ELAVL1: variants seen among roughly 807,000 people sequenced by gnomAD.
ELAVL1 encodes ELAV-like protein 1.
A neutral mutation model predicts 28.4 loss-of-function variants in ELAVL1; 1 was observed. The observed-to-expected ratio is 0.04, with a 90% CI of 0.01 to 0.17. The LOEUF is 0.17. Among genes scored for constraint, ELAVL1 ranks in the 10% least tolerant of loss-of-function variants. ELAVL1 has a pLI of 1.00. For synonymous variants in ELAVL1, 174 were observed against 183.5 expected (o/e 0.95, Z 0.42); for missense variants, 157 against 447.2 (o/e 0.35, Z 5.85).
chr19:7,965,997 C>T (rs1174972702), intron 5 of ELAVL1, among the ~76,000 whole-genome samples: 1 of 152,154 alleles, frequency 6.6e-6, no homozygotes, highest in East Asian at 1.9e-4. Context: ...TAACACCTCT[C>T]ACAGCAGCAT....
intron 1 of ELAVL1, among the ~76,000 whole-genome samples, chr19:7,999,390 G>T (rs570846024): frequency 6.6e-6 from 1 of 152,148 alleles, no homozygotes; most frequent in East Asian, 1.9e-4. Context: ...AAAAATAAAA[G>T]GCCACCTTCC....
In ELAVL1 at chr19:7,973,810, C is replaced by G; in HGVS notation, c.345G>C (p.Arg115=). ...CTTCTACGTCCTTCTGGGTCATGGT[C>G]CGCGGGAGCCCGCTGATGTACAAGT... The part of the protein sequence containing the change: ...DANLYISGLP[R]TMTQKDVEDM... The change falls in exon 4 of 6, where the codon CGG becomes CGC. Residue 115 remains arginine, a synonymous_variant. Coordinates refer to ENST00000407627, the MANE Select transcript of ELAVL1 (RefSeq NM_001419.3). 1.2e-6 allele frequency: 2 copies of G among 1,614,104 alleles called. No individual in the cohort carries two copies. The highest frequency in any genetic ancestry group is 1.7e-6 in the Non-Finnish European group (2 of 1,180,016).
intron 1 of ELAVL1, 97 bp from the exon 2 acceptor site, chr19:7,991,928 CTTTCTTTTTTT>C: frequency 1.3e-6 from 1 of 751,486 alleles, no homozygotes; most frequent in Non-Finnish European, 1.9e-6. Flanking sequence ...GATTTTCTTT[CTTTCTTTTTTT>C]TTTTTTTTGT....
intron 3 of ELAVL1, among the ~76,000 whole-genome samples, chr19:7,976,419 T>G (rs985276230): frequency 5.3e-5 from 8 of 152,026 alleles, no homozygotes; most frequent in Non-Finnish European, 8.8e-5. Flanking sequence ...AAAAAAGTAT[T>G]TTTTTTGAAA....
chr19:8,003,381 GA>G (rs71165249), intron 1 of ELAVL1, among the ~76,000 whole-genome samples: 16,254 of 88,660 alleles, frequency 0.18, 1,408 homozygotes, highest in Non-Finnish European at 0.26. Flanking sequence ...AAAAGAAAAA[GA>G]AAAAAAAAAA....
intron 1 of ELAVL1, among the ~76,000 whole-genome samples, chr19:7,993,301 C>T (rs550084540): frequency 1.6e-4 from 25 of 152,256 alleles, no homozygotes; most frequent in Non-Finnish European, 1.3e-4. Context: ...CGAGAGAATT[C>T]CAGATTTCCG....
At position 7,983,931 on chromosome 19, in the gene ELAVL1, C is replaced by A. The variant is rs561593113; in HGVS notation, c.173-2745G>T. ...CAGGGTAGGGCCTACCCTCTTGGGA[C>A]ACCCCTCCTCCAGGATGTGGAAACC... On this transcript the variant is annotated intron_variant, in intron 2 of 5. Coordinates refer to ENST00000407627, the MANE Select transcript of ELAVL1 (RefSeq NM_001419.3). Among the ~76,000 whole-genome samples, 6 of 152,178 alleles carry A rather than the reference C, an allele frequency of 3.9e-5. No homozygotes were observed. In the South Asian group the frequency reaches 1.2e-3, roughly 32 times the overall value.
chr19:8,002,198 G>C (rs776759807), intron 1 of ELAVL1: 19 of 1,174,186 alleles, frequency 1.6e-5, no homozygotes, highest in Non-Finnish European at 2.0e-5. Context: ...TCCCACCTCC[G>C]GGCTTGGCTG....
chr19:7,975,550 T>C (rs1985257934), intron 3 of ELAVL1, among the ~76,000 whole-genome samples: 2 of 152,216 alleles, frequency 1.3e-5, no homozygotes, highest in Admixed American at 1.3e-4. Flanking sequence ...CAGAACCCTC[T>C]TTCCTAAGCT....
chr19:7,967,370 C>G (rs1482091422), intron 5 of ELAVL1, among the ~76,000 whole-genome samples, 195 bp downstream of exon 5: 2 of 152,180 alleles, frequency 1.3e-5, no homozygotes, highest in African/African-American at 4.8e-5. Context: ...AAAGACAACG[C>G]CCAATCGGAA....
At chr19:7,971,190 C>T (rs1442993786) in intron 4 of ELAVL1, among the ~76,000 whole-genome samples, 1 of 152,238 alleles carries the variant, frequency 6.6e-6, no homozygotes, top group Non-Finnish European at 1.5e-5. Context: ...AGCAATGCCC[C>T]CAGCAGCTGT....
intron 1 of ELAVL1, among the ~76,000 whole-genome samples, chr19:7,993,093 T>C (rs370814356): frequency 1.4e-4 from 22 of 152,342 alleles, no homozygotes; most frequent in African/African-American, 5.1e-4. Context: ...AAAAATTTTA[T>C]TCAGTCAATA....
At chr19:7,970,489 C>T (rs888506965) in intron 4 of ELAVL1, among the ~76,000 whole-genome samples, 4 of 151,610 alleles carry the variant, frequency 2.6e-5, no homozygotes. Flanking sequence ...CCATGTTGGC[C>T]AGGCAGGTCT....
chr19:7,976,659 C>T (rs1366057918), intron 3 of ELAVL1, among the ~76,000 whole-genome samples: 2 of 152,074 alleles, frequency 1.3e-5, no homozygotes, highest in Non-Finnish European at 2.9e-5. Flanking sequence ...TTCCAGCCTC[C>T]AGAACTGTGA....
At chr19:7,966,835 G>A (rs564213442) in intron 5 of ELAVL1, among the ~76,000 whole-genome samples, 26 of 152,162 alleles carry the variant, frequency 1.7e-4, no homozygotes, top group African/African-American at 6.3e-4. Context: ...TGCCCAGGCT[G>A]CTCAAACTCG....
rs145288081 is a variant in ELAVL1, at chr19:7,981,355, CTT to C, written c.173-171_173-170del. On this transcript the variant is annotated intron_variant, in intron 2 of 5. Coordinates refer to ENST00000407627, the MANE Select transcript of ELAVL1 (RefSeq NM_001419.3). The surrounding 1 kb of genome is among the most constrained non-coding windows in gnomAD (Gnocchi z 4.2). Reference sequence around the variant, plus strand: ...CATTTTCTGCAATGAACACAGGTTCCTTTTTTTTTTTTTTTTTAAAGAGATAG... The same window carrying C: ...CATTTTCTGCAATGAACACAGGTTCCTTTTTTTTTTTTTTTAAAGAGATAG... Among the ~76,000 whole-genome samples, 9,206 of 140,582 alleles carry C rather than the reference CTT, an allele frequency of 0.065. 294 individuals carry two copies. Among genetic ancestry groups the C allele is most frequent in the Non-Finnish European group, 0.073 (4,712 of 64,672 alleles). The allele number at this position is 140,582 out of a possible 152,430, so 92.2% of individuals were successfully genotyped here.
At chr19:7,993,292 G>A (rs947539874) in intron 1 of ELAVL1, among the ~76,000 whole-genome samples, 10 of 152,156 alleles carry the variant, frequency 6.6e-5, no homozygotes, top group Non-Finnish European at 1.2e-4. Flanking sequence ...GTTGTCTCTC[G>A]AGAGAATTCC....
At chr19:7,970,760 G>A (rs1024329181) in intron 4 of ELAVL1, among the ~76,000 whole-genome samples, 4 of 150,154 alleles carry the variant, frequency 2.7e-5, no homozygotes, top group African/African-American at 7.4e-5. Context: ...TGGGGGTCTC[G>A]CTATGTTGGC....
intron 1 of ELAVL1, among the ~76,000 whole-genome samples, chr19:8,004,008 G>A (rs899900408): frequency 6.6e-6 from 1 of 152,146 alleles, no homozygotes; most frequent in African/African-American, 2.4e-5. Context: ...AAACCCTGGC[G>A]CAGCCACTTT....
Sources: allele counts gnomAD v4.1 joint callset (sites outside exome capture counted in the v4.1 genomes callset), GRCh38; gene constraint gnomAD v4.1.1; non-coding constraint Gnocchi (gnomAD v3.1); transcripts MANE v1.5; gene names NCBI Gene and HGNC (gene_info 2026-07-23, HGNC 2026-07-21).